Variants in CELF4 observed in about 807,000 individuals in gnomAD.
The protein encoded by CELF4 is CUG-BP- and ETR-3-like factor 4.
A neutral mutation model predicts 59.9 loss-of-function variants in CELF4; 18 were observed. The ratio of observed to expected loss-of-function variants is 0.30; its 90% CI spans 0.21 to 0.45. CELF4 has a LOEUF of 0.45. Ranked by LOEUF, CELF4 falls within the 20% of genes least tolerant of loss-of-function variation. The pLI is 1.00. For synonymous variants in CELF4, 261 were observed against 267.1 expected (o/e 0.98, Z 0.22); for missense variants, 456 against 689.0 (o/e 0.66, Z 3.79).
chr18:37,334,980 T>A (rs1021521744), intron 2 of CELF4, among the ~76,000 whole-genome samples: 2 of 151,886 alleles, frequency 1.3e-5, no homozygotes, highest in Admixed American at 1.3e-4. Context: ...GCTTTAGATT[T>A]AATCACTCCC....
intron 6 of CELF4, chr18:37,274,023 A>G: frequency 8.0e-7 from 1 of 1,254,482 alleles, no homozygotes; most frequent in African/African-American, 1.6e-5. Flanking sequence ...TCTGGCTGAG[A>G]GGAAAAGGCT....
At chr18:37,497,441 C>T (rs1471463857) in intron 1 of CELF4, among the ~76,000 whole-genome samples, 1 of 152,164 alleles carries the variant, frequency 6.6e-6, no homozygotes, top group Non-Finnish European at 1.5e-5. Flanking sequence ...ATCACGAGGT[C>T]AGGAGTTCAA....
At chr18:37,447,185 C>A (rs894776618) in intron 2 of CELF4, among the ~76,000 whole-genome samples, 1 of 152,240 alleles carries the variant, frequency 6.6e-6, no homozygotes, top group Admixed American at 6.5e-5. Context: ...AGCCAACGGG[C>A]CAAGGGCTCT....
chr18:37,288,607 T>C (rs2095043803), intron 3 of CELF4, among the ~76,000 whole-genome samples: 1 of 152,192 alleles, frequency 6.6e-6, no homozygotes, highest in Admixed American at 6.5e-5. Flanking sequence ...AGCTCTCATC[T>C]AACACGCAGA....
chr18:37,274,574 G>GGC, intron 5 of CELF4, 120 bp from the exon 6 acceptor site: 1 of 1,581,598 alleles, frequency 6.3e-7, no homozygotes, highest in Non-Finnish European at 8.5e-7. Flanking sequence ...AGGCGGCATC[G>GGC]GCGCTCGCCC....
chr18:37,251,893 T>C (rs2065752595), intron 12 of CELF4, among the ~76,000 whole-genome samples: 1 of 152,114 alleles, frequency 6.6e-6, no homozygotes, highest in Admixed American at 6.5e-5. Flanking sequence ...TGTGTTTGCA[T>C]CTGGACACAA....
chr18:37,384,360 G>A (rs1220302206), intron 2 of CELF4, among the ~76,000 whole-genome samples: 4 of 152,106 alleles, frequency 2.6e-5, no homozygotes, highest in Admixed American at 6.5e-5. Context: ...GCCGGCCTCC[G>A]CTCTAGGGAG....
Position 37,243,328 on chromosome 18 carries a change from C to T in CELF4, c.*1914G>A, listed in dbSNP as rs950250459. On this transcript the variant is annotated 3_prime_UTR_variant, in exon 13 of 13. Transcript: ENST00000420428. ...GCCCTAGAGGAACTGGAAATTTGTT[C>T]TTCTAAAGGGAAACTGGTAGGTCTG... 4.6e-5 allele frequency: 7 copies of T among 151,804 alleles called. No individual in the cohort carries two copies. Among genetic ancestry groups the T allele is most frequent in the African/African-American group, 9.7e-5 (4 of 41,350 alleles). The allele number at this position is 151,804 out of a possible 1,614,324, so 9.4% of individuals were successfully genotyped here. A position where few individuals can be genotyped will look rare whatever the true frequency, so the allele number is the denominator to read the frequency against.
intron 3 of CELF4, among the ~76,000 whole-genome samples, chr18:37,290,724 C>A (rs1380116766): frequency 4.6e-5 from 7 of 152,072 alleles, no homozygotes; most frequent in African/African-American, 1.4e-4. Context: ...CTCCTCTGGG[C>A]CTAATCTTCA....
At chr18:37,426,784 G>A (rs373708990) in intron 2 of CELF4, among the ~76,000 whole-genome samples, 63 of 152,192 alleles carry the variant, frequency 4.1e-4, no homozygotes, top group African/African-American at 1.5e-3. Context: ...TGCCATGTGC[G>A]GTTTGCTGCA....
chr18:37,504,453 C>CAA (rs765700471), intron 1 of CELF4, among the ~76,000 whole-genome samples: 35 of 71,088 alleles, frequency 4.9e-4, no homozygotes, highest in Middle Eastern at 8.8e-3. Context: ...GACTCCATCT[C>CAA]AAAAAAAAAA....
intron 1 of CELF4, among the ~76,000 whole-genome samples, chr18:37,488,649 C>CAAG (rs2099887962): frequency 6.6e-6 from 1 of 152,102 alleles, no homozygotes; most frequent in African/African-American, 2.4e-5. Flanking sequence ...TCTCACCATG[C>CAAG]TTCCCCCTTC....
At chr18:37,289,514 C>T (rs969895175) in intron 3 of CELF4, among the ~76,000 whole-genome samples, 8 of 152,046 alleles carry the variant, frequency 5.3e-5, no homozygotes, top group Admixed American at 4.6e-4. Context: ...CAGGTGAAGG[C>T]CCCCGCTTGC....
chr18:37,341,481 A>G (rs534299475), intron 2 of CELF4, among the ~76,000 whole-genome samples: 4 of 152,340 alleles, frequency 2.6e-5, no homozygotes, highest in African/African-American at 9.6e-5. Context: ...ACTCAGCCTG[A>G]GCAGGTGCAG....
intron 2 of CELF4, among the ~76,000 whole-genome samples, chr18:37,342,531 C>G (rs981513391): frequency 6.6e-6 from 1 of 152,104 alleles, no homozygotes; most frequent in Non-Finnish European, 1.5e-5. Flanking sequence ...TGGGCACCAC[C>G]CTCCCCTGTG....
At chr18:37,417,785 T>G (rs1296007287) in intron 2 of CELF4, among the ~76,000 whole-genome samples, 7 of 152,242 alleles carry the variant, frequency 4.6e-5, no homozygotes, top group Admixed American at 4.6e-4. Flanking sequence ...CCCATCCAGA[T>G]GTCCTGTAGC....
intron 3 of CELF4, among the ~76,000 whole-genome samples, chr18:37,283,201 C>T (rs2154387092): frequency 6.6e-6 from 1 of 151,940 alleles, no homozygotes; most frequent in East Asian, 2.0e-4. Flanking sequence ...TCAGGGTCTG[C>T]CATCCCTCCT....
intron 2 of CELF4, among the ~76,000 whole-genome samples, chr18:37,415,259 G>A (rs1036384792): frequency 6.6e-6 from 1 of 152,238 alleles, no homozygotes; most frequent in Non-Finnish European, 1.5e-5. Context: ...TGGAAGGCAT[G>A]TTTAGAGAAT....
chr18:37,256,914 T>G (rs527819492), intron 11 of CELF4, among the ~76,000 whole-genome samples: 12 of 152,318 alleles, frequency 7.9e-5, no homozygotes, highest in African/African-American at 2.9e-4. Context: ...CTCTGGGATA[T>G]TGGCAGAAAG....
Sources: allele counts gnomAD v4.1 joint callset (sites outside exome capture counted in the v4.1 genomes callset), GRCh38; gene constraint gnomAD v4.1.1; transcripts MANE v1.5; gene names NCBI Gene and HGNC (gene_info 2026-07-23, HGNC 2026-07-21).